Variants in MAP3K5 observed in about 807,000 individuals in gnomAD.
MAP3K5 encodes mitogen-activated protein kinase kinase kinase 5, also known as ASK-1.
A neutral mutation model predicts 158.7 loss-of-function variants in MAP3K5; 56 were observed. The ratio of observed to expected loss-of-function variants is 0.35; its 90% confidence interval spans 0.28 to 0.44. The LOEUF (loss-of-function observed/expected upper bound fraction) is 0.44, where lower values mean the gene tolerates loss of function less well. Among genes scored for constraint, MAP3K5 ranks in the 20% least tolerant of loss-of-function variants. The probability of loss-of-function intolerance (pLI) is 1.00; values close to 1 mark genes in which losing one functional copy is unlikely to be tolerated. For missense variants in MAP3K5, 1,294 were observed against 1,674.8 expected, an observed-to-expected ratio of 0.77 and a Z score of 3.97; for synonymous variants, 579 against 601.7, an observed-to-expected ratio of 0.96 and a Z score of 0.55.
chr6:136,754,736 G>A (rs1300792451), intron 1 of MAP3K5, among the ~76,000 whole-genome samples: 1 of 152,304 alleles, frequency 6.6e-6, no homozygotes, highest in South Asian at 2.1e-4. Context: ...GGAAGAACAG[G>A]ACACCCACAT....
intron 21 of MAP3K5, among the ~76,000 whole-genome samples, chr6:136,599,653 G>A (rs900391448): frequency 6.6e-6 from 1 of 152,180 alleles, no homozygotes; most frequent in Admixed American, 6.5e-5. Context: ...ACAGCTCCAA[G>A]GCTCTTTTAG....
rs74379549 is a variant in MAP3K5 at position 136,779,661 on chromosome 6, C to T, written c.448+12049G>A. Among the ~76,000 whole-genome samples, 128 of 152,164 alleles carry T rather than the reference C, an allele frequency of 8.4e-4. 2 individuals carry two copies. Among genetic ancestry groups the T allele is most frequent in the Middle Eastern group, 6.8e-3 (2 of 294 alleles). On this transcript the variant is annotated intron_variant, in intron 1 of 29. Transcript: ENST00000359015. The stretch of plus-strand genomic sequence containing the variant: ...GGACCTTTTTCCTTCATAAAATAGG[C>T]TTATTTGGAACAGTCTAAACTACTG...
chr6:136,597,032 T>C (rs771670624), intron 21 of MAP3K5, among the ~76,000 whole-genome samples: 1 of 152,166 alleles, frequency 6.6e-6, no homozygotes, highest in Non-Finnish European at 1.5e-5. Flanking sequence ...GCTGATATCT[T>C]GCCAGGTATT....
At chr6:136,791,686 A>T in intron 1 of MAP3K5, 24 bp downstream of exon 1, 1 of 1,611,030 alleles carries the variant, frequency 6.2e-7, no homozygotes, top group East Asian at 2.2e-5. Context: ...ACCGCGCGGG[A>T]TGGGAAAGGG....
chr6:136,728,940 A>G (rs1782090069), intron 1 of MAP3K5, among the ~76,000 whole-genome samples: 1 of 150,046 alleles, frequency 6.7e-6, no homozygotes, highest in South Asian at 2.1e-4. Flanking sequence ...GAAAAGGGAG[A>G]AACCTAGTGT....
chr6:136,747,653 G>A (rs1028330993), intron 1 of MAP3K5, among the ~76,000 whole-genome samples: 1 of 152,234 alleles, frequency 6.6e-6, no homozygotes, highest in African/African-American at 2.4e-5. Context: ...AAAATTGTGA[G>A]TTCAGACTAG....
Position 136,669,337 on chromosome 6 carries a change from G to C in MAP3K5, c.1312C>G (p.Leu438Val). Residue 438 changes from leucine (L) to valine (V), a missense_variant, in exon 8 of 30, where the codon CTC (leucine) becomes GTC (valine). Around this residue, in one of 5 missense-constraint regions of MAP3K5, gnomAD observed 690 missense variants for 870.5 expected, o/e 0.79. Coordinates refer to ENST00000359015, the MANE Select transcript of MAP3K5 (RefSeq NM_005923.4). ...TLQSGINYAV[L>V]LLAAGHQFES... ...AACTGGTGTCCAGCTGCCAGGAGGA[G>C]GACCGCATAATTAATTCCTGACTGT... 6.2e-7 allele frequency: 1 copy of C among 1,613,914 alleles called. No individual in the cohort carries two copies. Among genetic ancestry groups the C allele is most frequent in the South Asian group, 1.1e-5 (1 of 91,062 alleles).
At chr6:136,680,777 A>C (rs1290777616) in intron 7 of MAP3K5, among the ~76,000 whole-genome samples, 5 of 152,318 alleles carry the variant, frequency 3.3e-5, no homozygotes, top group African/African-American at 1.2e-4. Flanking sequence ...TTTCATATGT[A>C]CACTTACTCT....
At chr6:136,591,474 T>C (rs970808016) in intron 23 of MAP3K5, among the ~76,000 whole-genome samples, 8 of 152,256 alleles carry the variant, frequency 5.3e-5, no homozygotes, top group Non-Finnish European at 1.0e-4. Context: ...CTTAAATGTA[T>C]ATAGAGTTCA....
intron 1 of MAP3K5, among the ~76,000 whole-genome samples, chr6:136,785,523 C>T (rs925404984): frequency 6.6e-6 from 1 of 152,252 alleles, no homozygotes; most frequent in Non-Finnish European, 1.5e-5. Context: ...CCAAGCTAAC[C>T]CTGTGTCCAC....
intron 14 of MAP3K5, among the ~76,000 whole-genome samples, chr6:136,628,748 T>C (rs1207388259): frequency 6.6e-6 from 1 of 152,164 alleles, no homozygotes; most frequent in Non-Finnish European, 1.5e-5. Flanking sequence ...TGAAAAGGAA[T>C]TGTAAAAAGA....
At chr6:136,742,949 T>C (rs992754775) in intron 1 of MAP3K5, among the ~76,000 whole-genome samples, 1 of 152,146 alleles carries the variant, frequency 6.6e-6, no homozygotes, top group Non-Finnish European at 1.5e-5. Context: ...TCCCAGCACT[T>C]GGGGAGGCCA....
chr6:136,592,242 A>G lies in MAP3K5; in HGVS notation c.3156T>C (p.Ala1052=), dbSNP rs763855298. The change falls in exon 23 of 30, where the codon GCT becomes GCC. Residue 1052 remains alanine (A), a synonymous_variant. Coordinates refer to ENST00000359015, the MANE Select transcript of MAP3K5 (RefSeq NM_005923.4). ...CTTCCGTCAGGATCCTGTGAAGGGT[A>G]GCTCGCCTCTCACTGTCCTTCCTCA... ...FMLRKDSERR[A]TLHRILTEDQ... is the part of the protein sequence containing the mutation. 6.2e-7 allele frequency: 1 copy of G among 1,612,488 alleles called. No individual in the cohort carries two copies. The highest frequency in any genetic ancestry group is 8.5e-7 in the Non-Finnish European group (1 of 1,179,296).
At chr6:136,694,346 A>G (rs1780512189) in intron 6 of MAP3K5, 36 bp from the exon 7 acceptor site, 1 of 1,541,144 alleles carries the variant, frequency 6.5e-7, no homozygotes, top group African/African-American at 1.4e-5. Context: ...AATATACATT[A>G]CAGAAGCAAT....
chr6:136,739,699 C>T (rs1319912484), intron 1 of MAP3K5, among the ~76,000 whole-genome samples: 2 of 152,180 alleles, frequency 1.3e-5, no homozygotes, highest in East Asian at 3.8e-4. Context: ...TTTGGGGGGT[C>T]TGAAGGGGGC....
At chr6:136,627,426 C>T (rs946541618) in intron 14 of MAP3K5, among the ~76,000 whole-genome samples, 4 of 152,200 alleles carry the variant, frequency 2.6e-5, no homozygotes, top group Non-Finnish European at 5.9e-5. Flanking sequence ...TTATTGGCAG[C>T]TTGTTACTTT....
intron 1 of MAP3K5, among the ~76,000 whole-genome samples, chr6:136,757,876 G>A (rs570323190): frequency 3.3e-5 from 5 of 152,056 alleles, no homozygotes; most frequent in African/African-American, 1.2e-4. Context: ...GAGCCACTGT[G>A]CCCAGCCTCA....
chr6:136,789,675 CTTTTTTTTTT>C (rs57162918), intron 1 of MAP3K5, among the ~76,000 whole-genome samples: 17 of 78,754 alleles, frequency 2.2e-4, no homozygotes, highest in African/African-American at 3.4e-4. Flanking sequence ...AGCACAACCT[CTTTTTTTTTT>C]TTTTTTTTTT....
chr6:136,566,692 C>T (rs1033304590), intron 26 of MAP3K5, among the ~76,000 whole-genome samples: 7 of 152,168 alleles, frequency 4.6e-5, no homozygotes, highest in African/African-American at 7.2e-5. Context: ...CTGCTCTATG[C>T]ACATCATAGA....
Sources: gnomAD v4.1 joint callset for allele counts (sites outside exome capture counted in the v4.1 genomes callset) on GRCh38, gnomAD v4.1.1 for gene constraint, gnomAD v4.1.1 regional missense constraint, MANE v1.5 for transcripts, NCBI Gene and HGNC (gene_info 2026-07-23, HGNC 2026-07-21) for gene names.